Variants in TRAF3IP3 observed in about 807,000 individuals in gnomAD.
TRAF3IP3 encodes the protein TRAF3-interacting JNK-activating modulator.
A neutral mutation model predicts 86.5 loss-of-function variants in TRAF3IP3; 64 were observed. The observed-to-expected ratio is 0.74, with a 90% CI of 0.60 to 0.91. The LOEUF (loss-of-function observed/expected upper bound fraction) is 0.91, where lower values mean the gene tolerates loss of function less well. Ranked by LOEUF, TRAF3IP3 falls within the 40% of genes least tolerant of loss-of-function variation. TRAF3IP3 has a pLI of 0.00. For synonymous variants in TRAF3IP3, 220 were observed against 243.9 expected, an observed-to-expected ratio of 0.90 and a Z score of 0.91; for missense variants, 579 against 642.9, an observed-to-expected ratio of 0.90 and a Z score of 1.07.
At chr1:209,770,514 T>G (rs1024951325) in intron 8 of TRAF3IP3, among the ~76,000 whole-genome samples, 2 of 143,196 alleles carry the variant, frequency 1.4e-5, no homozygotes, top group Non-Finnish European at 3.0e-5. Context: ...TGAAAGTATG[T>G]GTGTGCAGGT....
Position 209,772,978 on chromosome 1 carries a change from A to C in TRAF3IP3, c.733A>C (p.Lys245Gln). Residue 245 changes from lysine (K) to glutamine (Q), a missense_variant, in exon 9 of 17, where the codon AAA (lysine) becomes CAA (glutamine). Coordinates refer to ENST00000367025, the MANE Select transcript of TRAF3IP3 (RefSeq NM_025228.4). ...GCTTAATGAAGACAAACTGAAGGGG[A>C]AACTGAGATCCTTAGAAAACCAGCT... is the stretch of plus-strand genomic sequence containing the variant. ...GQLNEDKLKG[K>Q]LRSLENQLYT... The C allele has an allele frequency of 6.2e-7, 1 of 1,613,942 alleles. No individual in the cohort carries two copies. The highest frequency in any genetic ancestry group is 8.5e-7 in the Non-Finnish European group (1 of 1,179,948).
In TRAF3IP3 at chr1:209,781,430, T is replaced by C. The variant is rs1213070540; in HGVS notation, c.1535T>C (p.Leu512Pro). The stretch of plus-strand genomic sequence containing the variant: ...AAGCTGCAGCACTGTCGAGAAGAGC[T>C]GAACCAGAGCCAGCAGCTGCCTCCC... ...LRKLQHCREE[L>P]NQSQQLPPRR... The change falls in exon 16 of 17, where the codon CTG becomes CCG. Residue 512 changes from leucine to proline, a missense_variant. Leu to Pro is a moderately conservative substitution (Grantham distance 98, BLOSUM62 -3). Transcript: ENST00000367025. 6.2e-7 allele frequency: 1 copy of C among 1,613,396 alleles called. No individual in the cohort carries two copies.
intron 8 of TRAF3IP3, 86 bp from the exon 9 acceptor site, chr1:209,772,862 C>A: frequency 1.7e-6 from 2 of 1,175,684 alleles, no homozygotes; most frequent in Non-Finnish European, 2.5e-6. Flanking sequence ...CAACCATGTG[C>A]TGGGCAGTAG....
chr1:209,762,679 C>T lies in TRAF3IP3; in HGVS notation c.493+17C>T. 7.6e-7 allele frequency: 1 copy of T among 1,308,732 alleles called. No homozygotes were observed. The highest frequency in any genetic ancestry group is 9.7e-7 in the Non-Finnish European group (1 of 1,029,426). The allele number at this position is 1,308,732 out of a possible 1,614,324, so 81.1% of individuals were successfully genotyped here. A position where few individuals can be genotyped will look rare whatever the true frequency, so the allele number is the denominator to read the frequency against. On this transcript the variant is annotated intron_variant, in intron 4 of 16. Coordinates refer to ENST00000367025, the MANE Select transcript of TRAF3IP3 (RefSeq NM_025228.4). ...ACCACCGTGGTAAGAGCAGAGCCTC[C>T]CTCACTCCACAGGGCCTGCAGAGAA... is the stretch of plus-strand genomic sequence containing the variant.
chr1:209,773,163 A>G, intron 9 of TRAF3IP3, 144 bp downstream of exon 9: 2 of 680,788 alleles, frequency 2.9e-6, no homozygotes, highest in Non-Finnish European at 4.8e-6. Flanking sequence ...TGGCTTGGCC[A>G]TTTACACTTT....
chr1:209,780,798 C>T (rs950395772), intron 15 of TRAF3IP3, 192 bp downstream of exon 15: 6 of 395,170 alleles, frequency 1.5e-5, no homozygotes, highest in Admixed American at 4.6e-5. Flanking sequence ...ATACCAACTC[C>T]TATTCAAGGT....
Position 209,781,950 on chromosome 1 carries a change from A to G in TRAF3IP3, c.1564-106A>G, listed in dbSNP as rs1042531652. ...GTAAAAAGCTTTTTCTCCACCACCA[A>G]CCCAGCGTTTTCCACTGGGCTAGAG... On this transcript the variant is annotated intron_variant, in intron 16 of 16. Transcript: ENST00000367025. The G allele has an allele frequency of 7.8e-6, 7 of 893,156 alleles. No homozygotes were observed. The African/African-American group carries it at 9.9e-5, about 13-fold the overall frequency. 55.3% of individuals were successfully genotyped at this position (893,156 alleles called of 1,614,324 possible).
chr1:209,780,504 C>A lies in TRAF3IP3; in HGVS notation c.1347C>A (p.Phe449Leu). Residue 449 changes from phenylalanine to leucine, a missense_variant, in exon 15 of 17, where the codon TTC (phenylalanine) becomes TTA (leucine). Phe to Leu is a conservative substitution (Grantham distance 22, BLOSUM62 0). Coordinates refer to ENST00000367025, the MANE Select transcript of TRAF3IP3 (RefSeq NM_025228.4). ...TGCCCGTGTGGAGTCCAAAGTCCTT[C>A]CCTAACGAAGTGGAGCCTGAGGGTA... The part of the protein sequence containing the change: ...QALPVWSPKS[F>L]PNEVEPEGTG... The A allele has an allele frequency of 1.2e-6, 2 of 1,600,840 alleles. No homozygotes were observed. Among genetic ancestry groups the A allele is most frequent in the Non-Finnish European group, 8.5e-7 (1 of 1,173,242 alleles).
At chr1:209,758,243 C>G (rs148093164) in intron 1 of TRAF3IP3, among the ~76,000 whole-genome samples, 1 of 152,136 alleles carries the variant, frequency 6.6e-6, no homozygotes, top group East Asian at 1.9e-4. Flanking sequence ...CACCCTTATC[C>G]GAGAAGAAGA....
chr1:209,772,538 CG>C (rs1271733116), intron 8 of TRAF3IP3, among the ~76,000 whole-genome samples: 3 of 152,104 alleles, frequency 2.0e-5, no homozygotes, highest in Admixed American at 6.5e-5. Flanking sequence ...GGGGAGACTG[CG>C]TTAGCCTCAC....
chr1:209,773,197 G>A (rs1248280389), intron 9 of TRAF3IP3, among the ~76,000 whole-genome samples, 178 bp downstream of exon 9: 10 of 152,154 alleles, frequency 6.6e-5, no homozygotes, highest in African/African-American at 2.2e-4. Context: ...CTAGATCACT[G>A]TCTCCATCCT....
At chr1:209,762,467 C>A (rs1374350800) in intron 3 of TRAF3IP3, 48 bp from the exon 4 acceptor site, 1 of 1,421,360 alleles carries the variant, frequency 7.0e-7, no homozygotes, top group South Asian at 1.9e-5. Context: ...GAGAGTCTTT[C>A]AAGAGGCTCC....
At chr1:209,767,552 T>C (rs1018027459) in intron 8 of TRAF3IP3, among the ~76,000 whole-genome samples, 3 of 151,972 alleles carry the variant, frequency 2.0e-5, no homozygotes, top group African/African-American at 7.3e-5. Context: ...TAGCCATGCA[T>C]GGTGGTACAC....
chr1:209,769,994 G>A (rs1421080661), intron 8 of TRAF3IP3, among the ~76,000 whole-genome samples: 2 of 152,194 alleles, frequency 1.3e-5, no homozygotes, highest in Non-Finnish European at 2.9e-5. Context: ...CTGGGCAAAA[G>A]GGGCAAGTCT....
intron 8 of TRAF3IP3, chr1:209,768,402 A>G: frequency 3.0e-6 from 3 of 985,488 alleles, no homozygotes; most frequent in Non-Finnish European, 3.6e-6. Context: ...ACTAGCAGAG[A>G]AAGCAAGCTT....
Position 209,771,513 on chromosome 1 carries a change from A to T in TRAF3IP3, c.703-1435A>T, listed in dbSNP as rs984668207. 1.2e-4 allele frequency among the ~76,000 whole-genome samples: 11 copies of T among 93,998 alleles called. 1 individual carries two copies. The highest frequency in any genetic ancestry group is 2.2e-4 in the Admixed American group (2 of 9,130). 61.7% of individuals were successfully genotyped at this position (93,998 alleles called of 152,430 possible). On this transcript the variant is annotated intron_variant, in intron 8 of 16. Transcript: ENST00000367025. ...CGTGTGCATGTGAAGGTGTGTGTGA[A>T]GGTGTGTGTGTGCAGGTGGAGGTAC...
chr1:209,775,549 G>A (rs1253847590), intron 10 of TRAF3IP3, 50 bp from the exon 11 acceptor site: 1 of 1,614,054 alleles, frequency 6.2e-7, no homozygotes, highest in Non-Finnish European at 8.5e-7. Flanking sequence ...GGAACAAGGG[G>A]AGCCAGCTGC....
Position 209,765,243 on chromosome 1 carries a change from AAGGAAGGAAGGAAGGAAGGAAG to A in TRAF3IP3, c.702+1657_702+1678del, listed in dbSNP as rs1402356020. Among the ~76,000 whole-genome samples, 150 of 117,124 alleles carry A rather than the reference AAGGAAGGAAGGAAGGAAGGAAG, an allele frequency of 1.3e-3. 1 individual carries two copies. The highest frequency in any genetic ancestry group is 2.2e-3 in the Non-Finnish European group (118 of 53,566). 76.8% of individuals were successfully genotyped at this position (117,124 alleles called of 152,430 possible). A position where few individuals can be genotyped will look rare whatever the true frequency, so the allele number is the denominator to read the frequency against. On this transcript the variant is annotated intron_variant, in intron 8 of 16. Coordinates refer to ENST00000367025, the MANE Select transcript of TRAF3IP3 (RefSeq NM_025228.4). ...AGAGAGAGAGAGGAAGGAAGGAAGGAAGGAAGGAAGGAAGGAAGGAAGGAAGGAAGGAAGGAAGGAAGGAAGA... is the reference window on the plus strand; with the variant it reads ...AGAGAGAGAGAGGAAGGAAGGAAGGAGAAGGAAGGAAGGAAGGAAGGAAGA...
At chr1:209,761,589 C>T (rs2077245708) in intron 3 of TRAF3IP3, among the ~76,000 whole-genome samples, 1 of 139,468 alleles carries the variant, frequency 7.2e-6, no homozygotes, top group South Asian at 2.2e-4. Context: ...AGAAAAGGAA[C>T]TGTATACTAA....
Sources: gnomAD v4.1 joint callset for allele counts (sites outside exome capture counted in the v4.1 genomes callset) on GRCh38, gnomAD v4.1.1 for gene constraint, MANE v1.5 for transcripts, NCBI Gene and HGNC (gene_info 2026-07-23, HGNC 2026-07-21) for gene names.